CTNNA2: variants seen among roughly 807,000 people sequenced by gnomAD.
CTNNA2 encodes catenin alpha-2.
A neutral mutation model predicts 101.0 loss-of-function variants in CTNNA2; 42 were observed. The ratio of observed to expected loss-of-function variants is 0.42; its 90% CI spans 0.32 to 0.54. The LOEUF is 0.54. Ranked by LOEUF, CTNNA2 falls within the 20% of genes least tolerant of loss-of-function variation. The pLI, the probability that CTNNA2 is intolerant of heterozygous loss-of-function variation, is 0.14. For missense variants in CTNNA2, 871 were observed against 1,223.1 expected, an observed-to-expected ratio of 0.71 and a Z score of 4.29; for synonymous variants, 450 against 456.4, an observed-to-expected ratio of 0.99 and a Z score of 0.18.
At chr2:80,075,779 A>ATTTT (rs1698702588) in intron 7 of CTNNA2, among the ~76,000 whole-genome samples, 1 of 140,902 alleles carries the variant, frequency 7.1e-6, no homozygotes, top group Non-Finnish European at 1.5e-5. Context: ...AATATTATAA[A>ATTTT]ATAATATTTA....
chr2:80,209,845 A>C lies in CTNNA2; in HGVS notation c.1057-183366A>C, dbSNP rs375289874. 1.3e-4 allele frequency among the ~76,000 whole-genome samples: 20 copies of C among 152,218 alleles called. No homozygotes were observed. In the South Asian group the frequency reaches 4.1e-3, roughly 32 times the overall value. On this transcript the variant is annotated intron_variant, in intron 7 of 18. Coordinates refer to ENST00000402739, the MANE Select transcript of CTNNA2 (RefSeq NM_001282597.3). The stretch of plus-strand genomic sequence containing the variant: ...AGCGAAAACCCGAATGCTAGCATAG[A>C]CCTGTAGTATTTATATATCATTTTT...
At chr2:79,829,750 C>T (rs983964127) in intron 3 of CTNNA2, among the ~76,000 whole-genome samples, 4 of 150,004 alleles carry the variant, frequency 2.7e-5, no homozygotes, top group African/African-American at 7.4e-5. Context: ...GACGGAGTCT[C>T]GCTCTGTCGC....
intron 7 of CTNNA2, among the ~76,000 whole-genome samples, chr2:80,006,747 T>C (rs1228524891): frequency 6.6e-6 from 1 of 152,206 alleles, no homozygotes; most frequent in Non-Finnish European, 1.5e-5. Context: ...TTTACTGGAA[T>C]GACTAAAAGT....
At chr2:79,328,130 C>T (rs1304266947) in intron 3 of CTNNA2, among the ~76,000 whole-genome samples, 1 of 152,100 alleles carries the variant, frequency 6.6e-6, no homozygotes, top group African/African-American at 2.4e-5. Context: ...TAAATTAGAT[C>T]CAGAGTAGGC....
chr2:79,939,176 T>TA (rs34673850), intron 7 of CTNNA2, among the ~76,000 whole-genome samples: 2 of 151,940 alleles, frequency 1.3e-5, no homozygotes, highest in African/African-American at 2.4e-5. Flanking sequence ...TTAGCAATTT[T>TA]AAAAAAAATA....
chr2:80,585,682 C>T (rs1452728307), intron 14 of CTNNA2, among the ~76,000 whole-genome samples: 1 of 152,152 alleles, frequency 6.6e-6, no homozygotes, highest in East Asian at 1.9e-4. Context: ...GTTAACATTT[C>T]AAACTGCTGA....
chr2:79,885,260 G>A (rs1348865357), intron 6 of CTNNA2, among the ~76,000 whole-genome samples: 1 of 152,170 alleles, frequency 6.6e-6, no homozygotes, highest in Non-Finnish European at 1.5e-5. Context: ...CTACACTGAA[G>A]GCTTCCGAAT....
At chr2:80,401,863 T>G (rs1471305990) in intron 8 of CTNNA2, among the ~76,000 whole-genome samples, 1 of 152,018 alleles carries the variant, frequency 6.6e-6, no homozygotes, top group Non-Finnish European at 1.5e-5. Context: ...CACCAAAACG[T>G]ATGCGGTATG....
At chr2:79,708,267 G>A (rs73938787) in intron 2 of CTNNA2, among the ~76,000 whole-genome samples, 1,608 of 152,242 alleles carry the variant, frequency 0.011, 30 homozygotes, top group African/African-American at 0.035. Context: ...TCCTATGTTG[G>A]CTTTTATCTC....
chr2:79,432,445 A>T (rs563762057), intron 4 of CTNNA2, among the ~76,000 whole-genome samples: 1 of 152,292 alleles, frequency 6.6e-6, no homozygotes, highest in African/African-American at 2.4e-5. Flanking sequence ...GTTATTTGTA[A>T]TTATCTAGAT....
intron 8 of CTNNA2, among the ~76,000 whole-genome samples, chr2:80,394,641 A>G (rs961497770): frequency 2.0e-5 from 3 of 152,076 alleles, no homozygotes; most frequent in African/African-American, 7.2e-5. Flanking sequence ...TTAGTTGAAA[A>G]CGCTGAATTA....
At chr2:79,781,121 C>G (rs904633767) in intron 3 of CTNNA2, among the ~76,000 whole-genome samples, 1 of 152,150 alleles carries the variant, frequency 6.6e-6, no homozygotes, top group Non-Finnish European at 1.5e-5. Flanking sequence ...CTGCTGGTTG[C>G]TCATTTTTGT....
intron 18 of CTNNA2, among the ~76,000 whole-genome samples, chr2:80,642,690 A>G (rs1673624653): frequency 6.6e-6 from 1 of 152,246 alleles, no homozygotes. Context: ...TGAATGAAGT[A>G]GCATGCAGCT....
At chr2:79,424,087 C>G (rs531644055) in intron 4 of CTNNA2, among the ~76,000 whole-genome samples, 1 of 152,100 alleles carries the variant, frequency 6.6e-6, no homozygotes, top group African/African-American at 2.4e-5. Flanking sequence ...TCCAGGAGGT[C>G]AAGAGAGAGA....
intron 9 of CTNNA2, among the ~76,000 whole-genome samples, chr2:80,432,323 C>A (rs907521340): frequency 6.6e-6 from 1 of 152,100 alleles, no homozygotes; most frequent in Non-Finnish European, 1.5e-5. Context: ...ATGTAAAATA[C>A]AACATGAGCA....
chr2:79,491,942 T>C (rs565341126), intron 4 of CTNNA2, among the ~76,000 whole-genome samples: 1 of 152,328 alleles, frequency 6.6e-6, no homozygotes, highest in East Asian at 1.9e-4. Flanking sequence ...ATTTCGGATG[T>C]CTAGACCCTA....
chr2:80,300,957 A>C (rs2149203535), intron 7 of CTNNA2, among the ~76,000 whole-genome samples: 3 of 152,206 alleles, frequency 2.0e-5, no homozygotes, highest in Middle Eastern at 6.8e-3. Flanking sequence ...CAGAAAAAAA[A>C]AAAAGGGAAA....
At chr2:79,656,037 A>C (rs1169228531) in intron 2 of CTNNA2, among the ~76,000 whole-genome samples, 2 of 152,138 alleles carry the variant, frequency 1.3e-5, no homozygotes, top group African/African-American at 4.8e-5. Context: ...TAGTCTTAAC[A>C]TCCTTCCAGT....
chr2:80,037,021 T>A (rs571550952), intron 7 of CTNNA2, among the ~76,000 whole-genome samples: 2 of 152,316 alleles, frequency 1.3e-5, no homozygotes, highest in Non-Finnish European at 2.9e-5. Context: ...TTGGTGAAAC[T>A]TGTCCATTGA....
Sources: allele counts gnomAD v4.1 joint callset (sites outside exome capture counted in the v4.1 genomes callset), GRCh38; gene constraint gnomAD v4.1.1; transcripts MANE v1.5; gene names NCBI Gene and HGNC (gene_info 2026-07-23, HGNC 2026-07-21).